The following C12orf42 variants were observed in gnomAD, a reference collection of about 807,000 sequenced individuals.
The protein encoded by C12orf42 is uncharacterized protein C12orf42.
A neutral mutation model predicts 21.6 loss-of-function variants in C12orf42; 25 were observed. The ratio of observed to expected loss-of-function variants is 1.16; its 90% CI spans 0.84 to 1.62. The LOEUF (loss-of-function observed/expected upper bound fraction) is 1.62. Ranked by LOEUF, C12orf42 falls within the 40% of genes most tolerant of loss-of-function variation. C12orf42 has a pLI of 0.00. For synonymous variants in C12orf42, 174 were observed against 175.0 expected, an observed-to-expected ratio of 0.99 and a Z score of 0.05; for missense variants, 483 against 459.3, an observed-to-expected ratio of 1.05 and a Z score of -0.47.
chr12:103,496,813 G>GAAAA (rs35226409), upstream of C12orf42, among the ~76,000 whole-genome samples: 12 of 111,108 alleles, frequency 1.1e-4, no homozygotes, highest in African/African-American at 3.9e-4. Flanking sequence ...TTCTAGCCGG[G>GAAAA]AAAAAAAAAA....
At chr12:103,050,992 C>T in the C12orf42 span, among the ~76,000 whole-genome samples, 3 of 152,072 alleles carry the variant, frequency 2.0e-5, no homozygotes, top group Non-Finnish European at 4.4e-5. Flanking sequence ...CCTAAACGGC[C>T]CATTTACTAT....
At chr12:103,294,467 A>AAAG (rs1257213576) in intron 4 of C12orf42, among the ~76,000 whole-genome samples, 29 of 133,256 alleles carry the variant, frequency 2.2e-4, no homozygotes, top group African/African-American at 9.2e-4. Context: ...AGAAAGAAAG[A>AAAG]AAGAAATAAG....
At chr12:103,450,890 A>G (rs141920042) in intron 2 of C12orf42, among the ~76,000 whole-genome samples, 107 of 152,260 alleles carry the variant, frequency 7.0e-4, no homozygotes, top group Non-Finnish European at 1.2e-3. Context: ...AATTTTACCA[A>G]TCTCAGACTA....
intron 10 of C12orf42, among the ~76,000 whole-genome samples, chr12:103,254,622 G>A (rs1484014196): frequency 6.6e-6 from 1 of 152,224 alleles, no homozygotes; most frequent in Non-Finnish European, 1.5e-5. Context: ...CAGGGACATG[G>A]ATGGAGCTGG....
At chr12:103,495,407 C>T (rs1177949949) in intron 1 of C12orf42, among the ~76,000 whole-genome samples, 1 of 151,996 alleles carries the variant, frequency 6.6e-6, no homozygotes, top group Non-Finnish European at 1.5e-5. Context: ...CCGCTCCGCC[C>T]GGCCCCTCCC....
the C12orf42 span, among the ~76,000 whole-genome samples, chr12:103,077,349 T>C: frequency 3.1e-4 from 47 of 152,322 alleles, 1 homozygote; most frequent in South Asian, 6.6e-3. Flanking sequence ...ACCTACACTT[T>C]GGAGGGAGCC....
At chr12:103,071,017 G>A in the C12orf42 span, among the ~76,000 whole-genome samples, 28 of 152,168 alleles carry the variant, frequency 1.8e-4, 1 homozygote, top group Non-Finnish European at 2.4e-4. Context: ...ATGTCAGAGT[G>A]AAGTAAAATG....
intron 4 of C12orf42, among the ~76,000 whole-genome samples, chr12:103,308,178 A>G (rs1303153350): frequency 6.6e-6 from 1 of 152,222 alleles, no homozygotes; most frequent in Admixed American, 6.5e-5. Context: ...CACATAAAGT[A>G]CTTAGGGTAG....
the C12orf42 span, among the ~76,000 whole-genome samples, chr12:103,128,535 C>A: frequency 2.0e-4 from 31 of 152,280 alleles, no homozygotes; most frequent in Non-Finnish European, 3.7e-4. Context: ...AAGCACTGTT[C>A]TAAACCTTGC....
chr12:103,416,078 G>A lies in C12orf42; in HGVS notation c.79-14403C>T, dbSNP rs1321609687. 2.0e-5 allele frequency among the ~76,000 whole-genome samples: 3 copies of A among 151,190 alleles called. No homozygotes were observed. The East Asian group carries it at 5.8e-4, about 29-fold the overall frequency. On this transcript the variant is annotated intron_variant, in intron 2 of 5. Transcript: ENST00000548883. ...TTTCTGCAACTGAGTGTGTATACGTGTATACATGTGCAACTTGTGCAACAC... is the reference window on the plus strand; with the variant it reads ...TTTCTGCAACTGAGTGTGTATACGTATATACATGTGCAACTTGTGCAACAC...
At chr12:103,297,228 T>C (rs921409872), downstream of C12orf42, among the ~76,000 whole-genome samples, 4 of 152,204 alleles carry the variant, frequency 2.6e-5, no homozygotes, top group Non-Finnish European at 4.4e-5. Context: ...TATCCCTGTT[T>C]TGGTACCAGT....
At chr12:103,073,223 G>T in the C12orf42 span, among the ~76,000 whole-genome samples, 1 of 152,088 alleles carries the variant, frequency 6.6e-6, no homozygotes, top group East Asian at 1.9e-4. Context: ...AATAATTAAT[G>T]GGTACTGGGC....
At chr12:103,250,522 C>G (rs1201009538) in intron 10 of C12orf42, among the ~76,000 whole-genome samples, 1 of 152,004 alleles carries the variant, frequency 6.6e-6, no homozygotes, top group Non-Finnish European at 1.5e-5. Flanking sequence ...TGTTGCTAAC[C>G]CAGGGAAAGG....
At chr12:103,218,468 G>A in the C12orf42 span, among the ~76,000 whole-genome samples, 1 of 152,204 alleles carries the variant, frequency 6.6e-6, no homozygotes, top group Middle Eastern at 3.4e-3. Flanking sequence ...GACCTCTCTA[G>A]TACTGAGCAT....
chr12:103,541,909 A>C, the C12orf42 span, among the ~76,000 whole-genome samples: 81 of 151,940 alleles, frequency 5.3e-4, no homozygotes, highest in African/African-American at 1.8e-3. Flanking sequence ...GTTACTGCTC[A>C]CCAGTCAGGC....
intron 10 of C12orf42, among the ~76,000 whole-genome samples, chr12:103,255,574 T>C (rs993542404): frequency 1.3e-5 from 2 of 152,190 alleles, no homozygotes; most frequent in Non-Finnish European, 2.9e-5. Context: ...AATTGTTTTC[T>C]ATTTAATAAT....
At chr12:103,294,042 A>G (rs1166979554) in intron 4 of C12orf42, among the ~76,000 whole-genome samples, 1 of 152,142 alleles carries the variant, frequency 6.6e-6, no homozygotes, top group Non-Finnish European at 1.5e-5. Flanking sequence ...TTTTAGAATG[A>G]ATAAGTGAAA....
intron 5 of C12orf42, chr12:103,277,111 A>C (rs750346483): frequency 8.3e-5 from 38 of 455,580 alleles, no homozygotes; most frequent in South Asian, 5.9e-4. Flanking sequence ...ACAAAATTCA[A>C]CAACTTACGC....
intron 10 of C12orf42, among the ~76,000 whole-genome samples, chr12:103,250,218 G>C (rs77614924): frequency 0.1 from 15,598 of 151,884 alleles, 872 homozygotes; most frequent in East Asian, 0.21. Context: ...AACTGAGATA[G>C]GCCTTGCTTC....
Sources: allele counts gnomAD v4.1 joint callset (sites outside exome capture counted in the v4.1 genomes callset), GRCh38; gene constraint gnomAD v4.1.1; transcripts MANE v1.5; gene names NCBI Gene and HGNC (gene_info 2026-07-23, HGNC 2026-07-21).